The following CCDC172 variants were observed in gnomAD, a reference collection of about 807,000 sequenced individuals.
CCDC172 encodes the protein coiled-coil domain-containing protein 172.
Under a neutral mutation model 38.0 loss-of-function variants are expected in CCDC172, and 30 were observed. The ratio of observed to expected loss-of-function variants is 0.79; its 90% CI spans 0.59 to 1.07. CCDC172 has a LOEUF of 1.07. Ranked by LOEUF, CCDC172 falls within the 50% of genes least tolerant of loss-of-function variation. The pLI is 0.00. For synonymous variants in CCDC172, 78 were observed against 88.3 expected, an observed-to-expected ratio of 0.88 and a Z score of 0.66; for missense variants, 297 against 290.1, an observed-to-expected ratio of 1.02 and a Z score of -0.17.
chr10:116,340,347 T>A (rs1055333621), intron 3 of CCDC172, among the ~76,000 whole-genome samples: 7 of 151,870 alleles, frequency 4.6e-5, no homozygotes, highest in Admixed American at 1.3e-4. Flanking sequence ...TATTCATTCA[T>A]ATATTCCTTA....
intron 5 of CCDC172, among the ~76,000 whole-genome samples, chr10:116,348,891 C>A (rs779228814): frequency 6.6e-6 from 1 of 152,086 alleles, no homozygotes; most frequent in Non-Finnish European, 1.5e-5. Flanking sequence ...GGTCCCCAAC[C>A]CCTGGGCCAG....
chr10:116,343,768 T>C (rs1215817942), intron 5 of CCDC172, among the ~76,000 whole-genome samples: 1 of 152,136 alleles, frequency 6.6e-6, no homozygotes, highest in Admixed American at 6.6e-5. Context: ...ATAAGCCCTT[T>C]TATACTTTGG....
At chr10:116,359,727 CA>C (rs1845040838) in intron 7 of CCDC172, among the ~76,000 whole-genome samples, 1 of 152,264 alleles carries the variant, frequency 6.6e-6, no homozygotes, top group Non-Finnish European at 1.5e-5. Context: ...AGTAAGAAAG[CA>C]ATTACAGAGG....
chr10:116,335,821 A>C (rs944216103), intron 3 of CCDC172, among the ~76,000 whole-genome samples: 3 of 151,918 alleles, frequency 2.0e-5, no homozygotes, highest in African/African-American at 7.3e-5. Context: ...TTCTTTACTA[A>C]ACCCTTTTTT....
chr10:116,342,327 T>C (rs1844806253), intron 5 of CCDC172, 126 bp downstream of exon 5: 1 of 685,640 alleles, frequency 1.5e-6, no homozygotes, highest in Non-Finnish European at 2.3e-6. Context: ...TTCTTTTACT[T>C]TTATTGATTT....
intron 7 of CCDC172, among the ~76,000 whole-genome samples, chr10:116,374,892 T>TAA (rs11354143): frequency 1.4e-5 from 2 of 144,200 alleles, no homozygotes; most frequent in East Asian, 2.0e-4. Flanking sequence ...GTAGATACGT[T>TAA]AAAAAAAAAA....
chr10:116,356,672 G>A (rs1335592739), intron 5 of CCDC172, among the ~76,000 whole-genome samples: 1 of 152,074 alleles, frequency 6.6e-6, no homozygotes, highest in East Asian at 1.9e-4. Context: ...GGATGAATTG[G>A]GATTTGTCAT....
chr10:116,328,022 A>T (rs1212201809), intron 3 of CCDC172, among the ~76,000 whole-genome samples: 3 of 152,142 alleles, frequency 2.0e-5, no homozygotes, highest in African/African-American at 2.4e-5. Flanking sequence ...TGAATAGAGC[A>T]GTGCTTGAGC....
intron 5 of CCDC172, among the ~76,000 whole-genome samples, chr10:116,353,448 G>T (rs1844957506): frequency 6.6e-6 from 1 of 152,190 alleles, no homozygotes. Context: ...GTGAAAAGAC[G>T]ACCACAAAAT....
At chr10:116,342,294 C>G in intron 5 of CCDC172, 93 bp downstream of exon 5, 1 of 1,057,218 alleles carries the variant, frequency 9.5e-7, no homozygotes, top group Non-Finnish European at 1.3e-6. Flanking sequence ...TTTTCATGAG[C>G]AAATTGGGTT....
chr10:116,329,307 A>G (rs1195189877), intron 3 of CCDC172, among the ~76,000 whole-genome samples: 1 of 151,844 alleles, frequency 6.6e-6, no homozygotes, highest in Non-Finnish European at 1.5e-5. Flanking sequence ...GAGGACAGTC[A>G]GGTTTATGGG....
At chr10:116,334,201 C>T (rs535111887) in intron 3 of CCDC172, among the ~76,000 whole-genome samples, 9 of 152,284 alleles carry the variant, frequency 5.9e-5, no homozygotes, top group South Asian at 4.1e-4. Flanking sequence ...CGCTCCTCCC[C>T]GTCTTTACTA....
At chr10:116,334,934 A>G (rs1315743030) in intron 3 of CCDC172, among the ~76,000 whole-genome samples, 4 of 152,032 alleles carry the variant, frequency 2.6e-5, no homozygotes, top group African/African-American at 9.7e-5. Context: ...TTTAATTTAT[A>G]TGTATATTTA....
Position 116,326,719 on chromosome 10 carries a change from AT to A in CCDC172, c.165+1338del, listed in dbSNP as rs559305925. On this transcript the variant is annotated intron_variant, in intron 3 of 8. Transcript: ENST00000333254. ...CTATTTTGTGAGCTGCGTATCTGGA[AT>A]TTTTTTCCTTATCCATCTTTTATTC... Among the ~76,000 whole-genome samples the A allele has an allele frequency of 1.0e-3, 155 of 152,216 alleles. 3 individuals carry two copies. Among genetic ancestry groups the A allele is most frequent in the Admixed American group, 0.01 (155 of 15,282 alleles).
At chr10:116,377,735 T>C (rs1204977255) in intron 7 of CCDC172, among the ~76,000 whole-genome samples, 2 of 152,106 alleles carry the variant, frequency 1.3e-5, no homozygotes, top group Non-Finnish European at 2.9e-5. Flanking sequence ...TTTTCTATAC[T>C]TAAAAGTTTT....
intron 5 of CCDC172, among the ~76,000 whole-genome samples, chr10:116,343,826 A>G (rs954517403): frequency 6.6e-6 from 1 of 152,152 alleles, no homozygotes; most frequent in Non-Finnish European, 1.5e-5. Context: ...TCTTGGCCCT[A>G]TACTTTGACT....
chr10:116,350,377 G>A (rs1290054663), intron 5 of CCDC172, among the ~76,000 whole-genome samples: 1 of 152,130 alleles, frequency 6.6e-6, no homozygotes, highest in African/African-American at 2.4e-5. Flanking sequence ...TTCTAAATAT[G>A]TTTTGAAGGT....
chr10:116,340,956 G>A (rs1268572318), intron 4 of CCDC172, 106 bp downstream of exon 4: 3 of 730,890 alleles, frequency 4.1e-6, no homozygotes, highest in African/African-American at 1.8e-5. Context: ...ATATTAGCAG[G>A]TAGTACTGCT....
chr10:116,328,158 G>A (rs1375889906), intron 3 of CCDC172, among the ~76,000 whole-genome samples: 2 of 152,062 alleles, frequency 1.3e-5, no homozygotes, highest in African/African-American at 2.4e-5. Context: ...CGGATAGCAT[G>A]TAATTAGAAC....
Sources: allele counts gnomAD v4.1 joint callset (sites outside exome capture counted in the v4.1 genomes callset), GRCh38; gene constraint gnomAD v4.1.1; transcripts MANE v1.5; gene names NCBI Gene and HGNC (gene_info 2026-07-23, HGNC 2026-07-21).